Variants in KAZN observed in about 807,000 individuals in gnomAD.
KAZN encodes the protein kazrin, periplakin interacting protein.
In KAZN, 40 loss-of-function variants were observed where a neutral mutation model predicts 87.4. The observed-to-expected ratio is 0.46, with a 90% CI of 0.36 to 0.60. The LOEUF (loss-of-function observed/expected upper bound fraction) is 0.60, where lower values mean the gene tolerates loss of function less well. Ranked by LOEUF, KAZN falls within the 20% of genes least tolerant of loss-of-function variation. The pLI is 0.00. For synonymous variants in KAZN, 466 were observed against 458.3 expected, an observed-to-expected ratio of 1.02 and a Z score of -0.22; for missense variants, 898 against 1,073.9, an observed-to-expected ratio of 0.84 and a Z score of 2.29.
intron 1 of KAZN, among the ~76,000 whole-genome samples, chr1:14,622,179 A>G (rs932156005): frequency 7.2e-5 from 11 of 152,340 alleles, no homozygotes; most frequent in South Asian, 6.2e-4. Flanking sequence ...CACAGTGAAC[A>G]TATAGTAAAT....
chr1:14,395,609 CCTCT>C (rs1662829479), intron 2 of KAZN, among the ~76,000 whole-genome samples: 1 of 152,124 alleles, frequency 6.6e-6, no homozygotes, highest in Non-Finnish European at 1.5e-5. Flanking sequence ...CCCGACACCT[CCTCT>C]CTGATTTTCA....
intron 2 of KAZN, among the ~76,000 whole-genome samples, chr1:14,496,618 A>C (rs1225441783): frequency 6.6e-6 from 1 of 152,230 alleles, no homozygotes; most frequent in East Asian, 1.9e-4. Context: ...GATGAGGAAC[A>C]GTGACAAAGA....
At chr1:14,033,935 C>T (rs968730248) in intron 1 of KAZN, among the ~76,000 whole-genome samples, 3 of 152,152 alleles carry the variant, frequency 2.0e-5, no homozygotes, top group African/African-American at 7.2e-5. Context: ...TCCATGCTTC[C>T]CTGGAGCTGA....
intron 1 of KAZN, among the ~76,000 whole-genome samples, chr1:14,823,731 G>A (rs946640045): frequency 4.6e-5 from 7 of 152,172 alleles, no homozygotes; most frequent in East Asian, 1.9e-4. Flanking sequence ...GGGGAGGTCC[G>A]CTCAGATTGG....
chr1:14,389,011 A>G (rs6672607), intron 2 of KAZN, among the ~76,000 whole-genome samples: 25,328 of 152,212 alleles, frequency 0.17, 2,294 homozygotes, highest in South Asian at 0.24. Flanking sequence ...GGAAAAAAAA[A>G]TCTAATAATT....
intron 1 of KAZN, among the ~76,000 whole-genome samples, chr1:13,911,963 G>A (rs955672253): frequency 1.3e-5 from 2 of 152,068 alleles, no homozygotes; most frequent in African/African-American, 4.8e-5. Flanking sequence ...GTGTTATTTT[G>A]GACAAGTTTC....
chr1:14,603,527 G>A (rs1205153893), intron 1 of KAZN, among the ~76,000 whole-genome samples: 3 of 152,176 alleles, frequency 2.0e-5, no homozygotes, highest in South Asian at 2.1e-4. Context: ...TCTTTCCATT[G>A]TCTTTGGAAA....
chr1:15,073,617 C>T (rs1052486081), intron 8 of KAZN, among the ~76,000 whole-genome samples: 4 of 152,170 alleles, frequency 2.6e-5, no homozygotes, highest in African/African-American at 9.7e-5. Flanking sequence ...CCCAGGCCAG[C>T]CTCAGAAGCC....
intron 1 of KAZN, among the ~76,000 whole-genome samples, chr1:14,848,266 G>C (rs1649011363): frequency 1.3e-5 from 2 of 152,084 alleles, no homozygotes; most frequent in Non-Finnish European, 2.9e-5. Context: ...ATGTCACCAA[G>C]TTCAGAACTT....
intron 1 of KAZN, among the ~76,000 whole-genome samples, chr1:14,904,321 A>AAC (rs1656258862): frequency 6.6e-6 from 1 of 151,654 alleles, no homozygotes; most frequent in South Asian, 2.1e-4. Flanking sequence ...AAAAAAAAAA[A>AAC]AAAAAGAATT....
intron 2 of KAZN, among the ~76,000 whole-genome samples, chr1:14,367,307 C>T (rs1266785231): frequency 1.3e-5 from 2 of 152,060 alleles, no homozygotes; most frequent in Non-Finnish European, 2.9e-5. Flanking sequence ...CCCCTGAAGT[C>T]CGGCTACCTG....
At chr1:14,260,958 C>T (rs111578043) in intron 2 of KAZN, among the ~76,000 whole-genome samples, 421 of 152,216 alleles carry the variant, frequency 2.8e-3, no homozygotes, top group African/African-American at 9.6e-3. Context: ...CTTGCTAACA[C>T]GACAATGATA....
rs531615505 is a variant in KAZN at position 13,920,457 on chromosome 1, G to C, written c.91+26701G>C. 8.7e-4 allele frequency among the ~76,000 whole-genome samples: 132 copies of C among 152,164 alleles called. 2 individuals carry two copies. In the South Asian group the frequency reaches 0.027, roughly 31 times the overall value. On this transcript the variant is annotated intron_variant, in intron 1 of 16. Transcript: ENST00000636203. ...AGTGTAAGTCCTCCAGCTTTGCTTCGAATCTAACTGGTGAAGTTGGCAGGC... is the reference window on the plus strand; with the variant it reads ...AGTGTAAGTCCTCCAGCTTTGCTTCCAATCTAACTGGTGAAGTTGGCAGGC...
chr1:15,109,820 A>T (rs1378278170), intron 13 of KAZN, among the ~76,000 whole-genome samples: 1 of 139,418 alleles, frequency 7.2e-6, no homozygotes, highest in Non-Finnish European at 1.6e-5. Context: ...TTGTATGTGT[A>T]TGTATGTGTA....
chr1:14,147,862 C>A (rs1645387540), intron 1 of KAZN, among the ~76,000 whole-genome samples: 1 of 151,512 alleles, frequency 6.6e-6, no homozygotes. Context: ...GTGCCTGGTA[C>A]ATAAGAGGTT....
intron 2 of KAZN, among the ~76,000 whole-genome samples, chr1:14,445,337 T>G (rs1053754800): frequency 2.6e-5 from 4 of 152,142 alleles, no homozygotes; most frequent in African/African-American, 9.6e-5. Flanking sequence ...ACTGGTGTGC[T>G]TTTAAGAGGA....
chr1:14,733,848 G>T lies in KAZN; in HGVS notation c.226+134625G>T, dbSNP rs182373403. 2.0e-5 allele frequency among the ~76,000 whole-genome samples: 3 copies of T among 152,218 alleles called. No individual in the cohort carries two copies. In the East Asian group the frequency reaches 5.8e-4, roughly 29 times the overall value. ...CTCCACTTTTATTCTCTGGGGTTTG[G>T]CCCCCCGATCAGCCTCTCCAGATGG... On this transcript the variant is annotated intron_variant, in intron 1 of 14. Coordinates refer to ENST00000376030, the MANE Select transcript of KAZN (RefSeq NM_201628.3).
In KAZN at chr1:14,996,687, G is replaced by A. The variant is rs570894760; in HGVS notation, c.418+35812G>A. Reference sequence around the variant, plus strand: ...GCCCTGTGTCCCCTACATTCTCTACGCACGACCGAGGGCCATTCTTCCCTC... The same window carrying A: ...GCCCTGTGTCCCCTACATTCTCTACACACGACCGAGGGCCATTCTTCCCTC... On this transcript the variant is annotated intron_variant, in intron 2 of 14. Coordinates refer to ENST00000376030, the MANE Select transcript of KAZN (RefSeq NM_201628.3). The surrounding 1 kb of genome is among the most constrained non-coding windows in gnomAD (Gnocchi z 5.9). Among the ~76,000 whole-genome samples, 98 of 152,142 alleles carry A rather than the reference G, an allele frequency of 6.4e-4. No individual in the cohort carries two copies. The highest frequency in any genetic ancestry group is 1.2e-3 in the Non-Finnish European group (81 of 68,032).
chr1:15,074,742 T>C (rs1639664352), intron 8 of KAZN, among the ~76,000 whole-genome samples: 1 of 152,024 alleles, frequency 6.6e-6, no homozygotes, highest in African/African-American at 2.4e-5. Flanking sequence ...ACTCCCTGGG[T>C]TTCAACCTCA....
Sources: allele counts gnomAD v4.1 joint callset (sites outside exome capture counted in the v4.1 genomes callset), GRCh38; gene constraint gnomAD v4.1.1; non-coding constraint Gnocchi (gnomAD v3.1); transcripts MANE v1.5; gene names NCBI Gene and HGNC (gene_info 2026-07-23, HGNC 2026-07-21).